Variants in CAMTA1 observed in about 807,000 individuals in gnomAD.
CAMTA1 encodes the protein calmodulin-binding transcription activator 1.
CAMTA1 carries 27 observed loss-of-function variants against 170.9 expected under a neutral mutation model. That is an observed-to-expected ratio of 0.16 (90% confidence interval 0.12 to 0.22). The LOEUF (loss-of-function observed/expected upper bound fraction) is 0.22. CAMTA1 is among the 10% of genes least tolerant of loss of function. CAMTA1 has a pLI of 1.00. For missense variants in CAMTA1, 1,619 were observed against 2,217.2 expected (o/e 0.73, Z 5.42); for synonymous variants, 833 against 891.5 (o/e 0.93, Z 1.17).
At chr1:7,226,989 C>T (rs1048910626) in intron 4 of CAMTA1, among the ~76,000 whole-genome samples, 5 of 151,746 alleles carry the variant, frequency 3.3e-5, no homozygotes, top group African/African-American at 7.3e-5. Context: ...CCCACCACCA[C>T]GCCTGGCTAA....
At chr1:7,617,509 C>A (rs2095566930) in intron 6 of CAMTA1, among the ~76,000 whole-genome samples, 1 of 152,146 alleles carries the variant, frequency 6.6e-6, no homozygotes, top group Admixed American at 6.5e-5. Context: ...GAGTCCTCTA[C>A]CCTCAGGCTC....
chr1:7,559,168 C>A (rs975723918), intron 6 of CAMTA1, among the ~76,000 whole-genome samples: 1 of 152,168 alleles, frequency 6.6e-6, no homozygotes. Flanking sequence ...TAGGCATTGC[C>A]GCCACCCGCC....
intron 3 of CAMTA1, among the ~76,000 whole-genome samples, chr1:6,930,350 C>CT (rs1383621280): frequency 1.3e-5 from 2 of 152,172 alleles, no homozygotes; most frequent in African/African-American, 2.4e-5. Context: ...CTGGTGGCGA[C>CT]TTTGAGTATG....
intron 5 of CAMTA1, among the ~76,000 whole-genome samples, chr1:7,312,732 G>T (rs1025716080): frequency 6.6e-6 from 1 of 152,106 alleles, no homozygotes; most frequent in Non-Finnish European, 1.5e-5. Flanking sequence ...TTCCAAAAGG[G>T]CCTTCTTTTC....
intron 5 of CAMTA1, among the ~76,000 whole-genome samples, chr1:7,346,446 C>G (rs539171568): frequency 6.6e-6 from 1 of 152,124 alleles, no homozygotes; most frequent in Non-Finnish European, 1.5e-5. Flanking sequence ...AGAAAAGGCC[C>G]AGAATTAGCC....
intron 9 of CAMTA1, among the ~76,000 whole-genome samples, chr1:7,668,388 A>AACACACACACAC (rs779206499): frequency 8.9e-5 from 9 of 101,422 alleles, no homozygotes; most frequent in South Asian, 3.5e-4. Flanking sequence ...GCTGGTCACC[A>AACACACACACAC]ACACACACAC....
intron 3 of CAMTA1, among the ~76,000 whole-genome samples, chr1:6,872,383 T>G (rs1238786826): frequency 1.3e-5 from 2 of 152,236 alleles, no homozygotes; most frequent in Non-Finnish European, 2.9e-5. Context: ...TGAAGTATTT[T>G]GGGGAGAAAA....
chr1:7,338,217 G>T (rs576387640), intron 5 of CAMTA1, among the ~76,000 whole-genome samples: 1 of 151,896 alleles, frequency 6.6e-6, no homozygotes, highest in Admixed American at 6.6e-5. Context: ...ACCCAGTCCC[G>T]TTAGGTCCCA....
chr1:7,216,004 G>T lies in CAMTA1; in HGVS notation c.303-33487G>T, dbSNP rs1259290947. 2.0e-5 allele frequency among the ~76,000 whole-genome samples: 3 copies of T among 152,176 alleles called. No homozygotes were observed. Among genetic ancestry groups the T allele is most frequent in the Non-Finnish European group, 4.4e-5 (3 of 68,034 alleles). On this transcript the variant is annotated intron_variant, in intron 4 of 22. Transcript: ENST00000303635. This position sits in a 1 kb window ranked among gnomAD's most constrained non-coding sequence, Gnocchi z 4.0. ...TTGCTATGAAGAACTACCTGAGACTGGGTCATTTATAAAGACAAGAAGTTT... is the reference window on the plus strand; with the variant it reads ...TTGCTATGAAGAACTACCTGAGACTTGGTCATTTATAAAGACAAGAAGTTT...
At chr1:7,503,353 C>G (rs1056010071) in intron 6 of CAMTA1, among the ~76,000 whole-genome samples, 1 of 152,142 alleles carries the variant, frequency 6.6e-6, no homozygotes. Flanking sequence ...GGTGTGCTTA[C>G]GAAGGGGCTT....
At chr1:6,974,833 C>T (rs1693131139) in intron 3 of CAMTA1, among the ~76,000 whole-genome samples, 1 of 152,154 alleles carries the variant, frequency 6.6e-6, no homozygotes. Flanking sequence ...CTGTCTTCTT[C>T]CCTTGGGCTT....
chr1:7,440,188 A>G (rs917176436), intron 5 of CAMTA1, among the ~76,000 whole-genome samples: 1 of 152,230 alleles, frequency 6.6e-6, no homozygotes, highest in Non-Finnish European at 1.5e-5. Flanking sequence ...TGTGCCCACT[A>G]CCTGGTGGGG....
At chr1:6,908,307 G>A (rs1678990187) in intron 3 of CAMTA1, among the ~76,000 whole-genome samples, 2 of 152,232 alleles carry the variant, frequency 1.3e-5, no homozygotes, top group Non-Finnish European at 2.9e-5. Flanking sequence ...CAGTGCCCAC[G>A]GCAAGCAGGC....
intron 4 of CAMTA1, among the ~76,000 whole-genome samples, chr1:7,220,985 C>T (rs1235780717): frequency 6.6e-6 from 1 of 152,198 alleles, no homozygotes; most frequent in African/African-American, 2.4e-5. Context: ...TGTCAGTCAG[C>T]TTCTGCTGTG....
chr1:7,021,040 G>A (rs1027758448), intron 3 of CAMTA1, among the ~76,000 whole-genome samples: 1 of 152,232 alleles, frequency 6.6e-6, no homozygotes, highest in Non-Finnish European at 1.5e-5. Context: ...ACCATTCTTC[G>A]TGCTGGAGGC....
At chr1:7,117,590 A>G (rs1305433854) in intron 4 of CAMTA1, among the ~76,000 whole-genome samples, 1 of 152,140 alleles carries the variant, frequency 6.6e-6, no homozygotes, top group Non-Finnish European at 1.5e-5. Context: ...AAAACCCTGA[A>G]CGTTTAATAA....
rs182309462 is a variant in CAMTA1 at position 7,254,394 on chromosome 1, C to T, written c.438+4768C>T. ...GACAGCCCTGTCCACTGAGCCTGTT[C>T]TGTGGCAGAAGGAACCCCCTAGCCT... is the stretch of plus-strand genomic sequence containing the variant. On this transcript the variant is annotated intron_variant, in intron 5 of 22. Coordinates refer to ENST00000303635, the MANE Select transcript of CAMTA1 (RefSeq NM_015215.4). 5.9e-4 allele frequency among the ~76,000 whole-genome samples: 90 copies of T among 152,322 alleles called. 1 individual carries two copies. The highest frequency in any genetic ancestry group is 9.3e-4 in the Non-Finnish European group (63 of 68,036).
intron 6 of CAMTA1, among the ~76,000 whole-genome samples, chr1:7,544,837 G>A (rs572013161): frequency 4.4e-4 from 67 of 152,226 alleles, no homozygotes; most frequent in Admixed American, 4.1e-3. Flanking sequence ...GAGAGAAACC[G>A]AAGAAGCCAG....
intron 6 of CAMTA1, among the ~76,000 whole-genome samples, chr1:7,527,606 A>G (rs1248096265): frequency 6.6e-6 from 1 of 152,232 alleles, no homozygotes; most frequent in African/African-American, 2.4e-5. Flanking sequence ...AGGGAAACAC[A>G]GCACAGCTGA....
Sources: allele counts gnomAD v4.1 joint callset (sites outside exome capture counted in the v4.1 genomes callset), GRCh38; gene constraint gnomAD v4.1.1; non-coding constraint Gnocchi (gnomAD v3.1); transcripts MANE v1.5; gene names NCBI Gene and HGNC (gene_info 2026-07-23, HGNC 2026-07-21).